GRM1: variants seen among roughly 807,000 people sequenced by gnomAD.
The protein encoded by GRM1 is metabotropic glutamate receptor 1.
A neutral mutation model predicts 90.9 loss-of-function variants in GRM1; 33 were observed. The observed-to-expected ratio is 0.36, with a 90% CI of 0.28 to 0.49. GRM1 has a LOEUF of 0.49. Among genes scored for constraint, GRM1 ranks in the 20% least tolerant of loss-of-function variants. The pLI is 0.99. For synonymous variants in GRM1, 700 were observed against 613.2 expected, an observed-to-expected ratio of 1.14 and a Z score of -2.09; for missense variants, 1,190 against 1,534.3, an observed-to-expected ratio of 0.78 and a Z score of 3.75.
intron 2 of GRM1, among the ~76,000 whole-genome samples, chr6:146,184,364 A>G (rs942695069): frequency 6.6e-6 from 1 of 152,144 alleles, no homozygotes; most frequent in Non-Finnish European, 1.5e-5. Context: ...CTGCCTTCTG[A>G]GACAATCCAT....
Position 146,044,167 on chromosome 6 carries a change from C to G in GRM1, c.700+13950C>G, listed in dbSNP as rs576087126. Among the ~76,000 whole-genome samples the G allele has an allele frequency of 7.2e-5, 11 of 152,036 alleles. No homozygotes were observed. In the East Asian group the frequency reaches 1.8e-3, roughly 24 times the overall value. On this transcript the variant is annotated intron_variant, in intron 1 of 7. Coordinates refer to ENST00000282753, the MANE Select transcript of GRM1 (RefSeq NM_001278064.2). ...AGGGCATATGTGTGGCTGAAACATT[C>G]TGTCTTTCTTCCATGTTCAACCTCG...
intron 1 of GRM1, among the ~76,000 whole-genome samples, chr6:146,126,625 T>C (rs991386124): frequency 3.9e-5 from 6 of 152,146 alleles, no homozygotes; most frequent in African/African-American, 1.4e-4. Flanking sequence ...GTCTCATTAG[T>C]TGTATCATAT....
intron 7 of GRM1, among the ~76,000 whole-genome samples, chr6:146,432,138 T>C (rs1460971528): frequency 6.6e-6 from 1 of 152,198 alleles, no homozygotes; most frequent in Non-Finnish European, 1.5e-5. Context: ...TCTCAGATAA[T>C]GTGTAAGGCA....
chr6:146,052,838 T>C (rs1775342473), intron 1 of GRM1, among the ~76,000 whole-genome samples: 1 of 152,094 alleles, frequency 6.6e-6, no homozygotes, highest in Admixed American at 6.6e-5. Context: ...TTGGAAATTA[T>C]CTCATTTATG....
At chr6:146,322,027 C>T (rs1333355128) in intron 3 of GRM1, among the ~76,000 whole-genome samples, 2 of 152,102 alleles carry the variant, frequency 1.3e-5, no homozygotes, top group African/African-American at 4.8e-5. Context: ...CCCTCATCTT[C>T]ATGGATTTAT....
chr6:146,408,930 T>C (rs528077178), intron 7 of GRM1, among the ~76,000 whole-genome samples: 2 of 152,184 alleles, frequency 1.3e-5, no homozygotes, highest in South Asian at 2.1e-4. Flanking sequence ...TATTGAGAGT[T>C]TGGAGAATGA....
At chr6:146,386,632 T>G (rs930810841) in intron 5 of GRM1, among the ~76,000 whole-genome samples, 1 of 151,926 alleles carries the variant, frequency 6.6e-6, no homozygotes, top group Non-Finnish European at 1.5e-5. Flanking sequence ...TGCAAAAAAA[T>G]GTAGTCAAAT....
At chr6:146,351,434 G>A (rs1471534816) in intron 3 of GRM1, among the ~76,000 whole-genome samples, 1 of 152,084 alleles carries the variant, frequency 6.6e-6, no homozygotes, top group Non-Finnish European at 1.5e-5. Context: ...AACCCAGTTG[G>A]TCCCAAAATT....
intron 1 of GRM1, among the ~76,000 whole-genome samples, chr6:146,125,848 A>C (rs896053451): frequency 6.6e-6 from 1 of 152,112 alleles, no homozygotes; most frequent in Non-Finnish European, 1.5e-5. Context: ...TATTCTGAAA[A>C]TGTTTAAAAG....
At chr6:146,389,510 T>C (rs182564922) in intron 6 of GRM1, among the ~76,000 whole-genome samples, 1 of 152,250 alleles carries the variant, frequency 6.6e-6, no homozygotes, top group East Asian at 1.9e-4. Context: ...TATTGCATAT[T>C]TTCTGTCCAC....
rs1562670221 is a variant in GRM1, at chr6:146,399,745, G to GTCTCTT, written c.2660+52_2660+57dup. On this transcript the variant is annotated intron_variant, in intron 7 of 7. Coordinates refer to ENST00000282753, the MANE Select transcript of GRM1 (RefSeq NM_001278064.2). This position sits in a 1 kb window ranked among gnomAD's most constrained non-coding sequence, Gnocchi z 5.4. ...GTCTCTCTTTTCTCTTCCTTTCTCT[G>GTCTCTT]TCTCTTTCTCTCTCTCTCTCTCTCT... 1 of 1,299,688 alleles carries GTCTCTT rather than the reference G, an allele frequency of 7.7e-7. No homozygotes were observed. The highest frequency in any genetic ancestry group is 1.1e-6 in the Non-Finnish European group (1 of 928,732). 80.5% of individuals were successfully genotyped at this position (1,299,688 alleles called of 1,614,324 possible). A position where few individuals can be genotyped will look rare whatever the true frequency, so the allele number is the denominator to read the frequency against.
intron 2 of GRM1, among the ~76,000 whole-genome samples, chr6:146,166,788 C>A (rs1417305371): frequency 2.0e-5 from 3 of 152,088 alleles, no homozygotes; most frequent in African/African-American, 7.2e-5. Context: ...AAGTTAGACT[C>A]TCTCCATAAC....
chr6:146,110,126 C>T (rs535861839), intron 1 of GRM1, among the ~76,000 whole-genome samples: 5 of 152,100 alleles, frequency 3.3e-5, no homozygotes, highest in South Asian at 2.1e-4. Context: ...TGGGAGGGCA[C>T]GATTGGTTTT....
chr6:146,107,810 C>T (rs1247613925), intron 1 of GRM1, among the ~76,000 whole-genome samples: 3 of 152,272 alleles, frequency 2.0e-5, no homozygotes, highest in Non-Finnish European at 2.9e-5. Flanking sequence ...GAGGCCACTT[C>T]CCTAATATAA....
At chr6:146,170,880 A>G (rs1778093904) in intron 2 of GRM1, among the ~76,000 whole-genome samples, 1 of 152,014 alleles carries the variant, frequency 6.6e-6, no homozygotes, top group Non-Finnish European at 1.5e-5. Flanking sequence ...TTTTGTTAAT[A>G]TGTTATAACA....
chr6:146,365,885 C>T (rs552310438), intron 5 of GRM1, among the ~76,000 whole-genome samples: 5 of 152,156 alleles, frequency 3.3e-5, no homozygotes, highest in Admixed American at 6.6e-5. Context: ...CTCTCAAGGT[C>T]CTGAAAGCTG....
chr6:146,046,767 T>G (rs1240438545), intron 1 of GRM1, among the ~76,000 whole-genome samples: 2 of 151,964 alleles, frequency 1.3e-5, no homozygotes, highest in Non-Finnish European at 2.9e-5. Context: ...AAATAATATT[T>G]TTTATGTTTC....
chr6:146,251,000 G>C (rs6900632), intron 2 of GRM1, among the ~76,000 whole-genome samples: 34,254 of 152,082 alleles, frequency 0.23, 8,026 homozygotes, highest in African/African-American at 0.6. Flanking sequence ...TGACATTTTA[G>C]TTTTCAGTCC....
intron 2 of GRM1, among the ~76,000 whole-genome samples, chr6:146,237,974 G>T (rs1286169594): frequency 2.0e-5 from 3 of 152,244 alleles, no homozygotes; most frequent in Admixed American, 6.5e-5. Context: ...TCCAGGTATT[G>T]GTTGTTGCAA....
Sources: gnomAD v4.1 joint callset for allele counts (sites outside exome capture counted in the v4.1 genomes callset) on GRCh38, gnomAD v4.1.1 for gene constraint, Gnocchi (gnomAD v3.1) non-coding constraint, MANE v1.5 for transcripts, NCBI Gene and HGNC (gene_info 2026-07-23, HGNC 2026-07-21) for gene names.